Variants in FGF12 observed in about 807,000 individuals in gnomAD.
FGF12 encodes fibroblast growth factor 12.
In FGF12, 14 loss-of-function variants were observed where a neutral mutation model predicts 23.6. The observed-to-expected ratio is 0.59, with a 90% CI of 0.39 to 0.93. The LOEUF (loss-of-function observed/expected upper bound fraction) is 0.93, where lower values mean the gene tolerates loss of function less well. Among genes scored for constraint, FGF12 ranks in the 40% least tolerant of loss-of-function variants. The probability of loss-of-function intolerance (pLI) is 0.00; values close to 1 mark genes in which losing one functional copy is unlikely to be tolerated. For missense variants in FGF12, 175 were observed against 217.8 expected, an observed-to-expected ratio of 0.80 and a Z score of 1.24; for synonymous variants, 62 against 77.3, an observed-to-expected ratio of 0.80 and a Z score of 1.04.
chr3:192,505,877 C>G (rs1460416328), intron 2 of FGF12, among the ~76,000 whole-genome samples: 1 of 152,124 alleles, frequency 6.6e-6, no homozygotes, highest in Admixed American at 6.5e-5. Flanking sequence ...ACCAGACACA[C>G]GAACTTCGAA....
At chr3:192,224,715 G>A (rs1033184820) in intron 4 of FGF12, among the ~76,000 whole-genome samples, 1 of 151,916 alleles carries the variant, frequency 6.6e-6, no homozygotes, top group Admixed American at 6.6e-5. Flanking sequence ...AAATTAGTTA[G>A]AATAAAAGGA....
At chr3:192,521,642 C>G (rs974185591) in intron 2 of FGF12, among the ~76,000 whole-genome samples, 1 of 152,072 alleles carries the variant, frequency 6.6e-6, no homozygotes, top group Non-Finnish European at 1.5e-5. Context: ...ATAAATTATA[C>G]ACATTTCTTG....
chr3:192,696,220 G>C (rs34988095), intron 2 of FGF12, among the ~76,000 whole-genome samples: 4,700 of 151,064 alleles, frequency 0.031, 83 homozygotes, highest in Middle Eastern at 0.079. Context: ...GTACCCACCA[G>C]TATGTTCCAG....
In FGF12 at chr3:192,415,556, T is replaced by C. The variant is rs184463933; in HGVS notation, c.14-55018A>G. Among the ~76,000 whole-genome samples, 3 of 152,150 alleles carry C rather than the reference T, an allele frequency of 2.0e-5. No individual in the cohort carries two copies. The East Asian group carries it at 5.8e-4, about 29-fold the overall frequency. On this transcript the variant is annotated intron_variant, in intron 2 of 5. Coordinates refer to ENST00000445105, the MANE Select transcript of FGF12 (RefSeq NM_004113.6). ...AAGCTCAGGTAACTCAAGGGTAGCC[T>C]CCACATTTCCAAAGTTGATTGTTTT... is the stretch of plus-strand genomic sequence containing the variant.
At chr3:192,692,485 G>T (rs1441075009) in intron 2 of FGF12, among the ~76,000 whole-genome samples, 1 of 152,132 alleles carries the variant, frequency 6.6e-6, no homozygotes, top group East Asian at 1.9e-4. Flanking sequence ...CAGGCAGATC[G>T]CTAGAGCTCA....
At chr3:192,670,401 C>T (rs1009168192) in intron 2 of FGF12, among the ~76,000 whole-genome samples, 1 of 152,046 alleles carries the variant, frequency 6.6e-6, no homozygotes, top group African/African-American at 2.4e-5. Flanking sequence ...AATAAAAGCA[C>T]ATTAAAATCT....
chr3:192,629,071 GAATATAAGATAAA>G (rs1475288280), intron 2 of FGF12, among the ~76,000 whole-genome samples: 3 of 152,128 alleles, frequency 2.0e-5, no homozygotes, highest in Non-Finnish European at 4.4e-5. Flanking sequence ...AACTTTATAT[GAATATAAGATAAA>G]ACAGACTATC....
At chr3:192,564,159 G>A (rs529951339) in intron 2 of FGF12, among the ~76,000 whole-genome samples, 2 of 152,308 alleles carry the variant, frequency 1.3e-5, no homozygotes, top group South Asian at 4.1e-4. Flanking sequence ...CGCCTCTTGG[G>A]TTCAAGTGAT....
intron 2 of FGF12, among the ~76,000 whole-genome samples, chr3:192,642,265 G>T (rs1715833977): frequency 6.6e-6 from 1 of 152,104 alleles, no homozygotes; most frequent in Non-Finnish European, 1.5e-5. Context: ...AATTACTATT[G>T]CTGCATTACA....
rs576976650 is a variant in FGF12, at chr3:192,514,774, G to C, written c.14-154236C>G. The C allele has an allele frequency of 1.0e-6, 1 of 985,268 alleles. No homozygotes were observed. The highest frequency in any genetic ancestry group is 6.1e-5 in the Admixed American group (1 of 16,272). 61.0% of individuals were successfully genotyped at this position (985,268 alleles called of 1,614,324 possible). On this transcript the variant is annotated intron_variant, in intron 2 of 5. Coordinates refer to ENST00000445105, the MANE Select transcript of FGF12 (RefSeq NM_004113.6). The surrounding 1 kb of genome is among the most constrained non-coding windows in gnomAD (Gnocchi z 4.9). ...AATCTTCATGGAGAAGCGCGTGTGT[G>C]GGGTTGGTCAACTCCCCGCCCACCT...
intron 5 of FGF12, among the ~76,000 whole-genome samples, chr3:192,167,764 TATATAAA>T (rs1344998420): frequency 0.012 from 402 of 32,358 alleles, 29 homozygotes; most frequent in Non-Finnish European, 0.02. Context: ...TATATATATA[TATATAAA>T]ATTTTTTTTT....
Position 192,253,050 on chromosome 3 carries a change from G to A in FGF12, c.228+82311C>T, listed in dbSNP as rs138643277. 4.9e-3 allele frequency among the ~76,000 whole-genome samples: 745 copies of A among 152,184 alleles called. 29 individuals are homozygous for A. The highest frequency in any genetic ancestry group is 0.045 in the Admixed American group (692 of 15,278). On this transcript the variant is annotated intron_variant, in intron 4 of 5. Coordinates refer to ENST00000445105, the MANE Select transcript of FGF12 (RefSeq NM_004113.6). The stretch of plus-strand genomic sequence containing the variant: ...ATCAATGGATCCAGAGGTTATTTCT[G>A]ACCAATGGCATATAAAATGTATCAA...
chr3:192,193,503 C>G (rs946831819), intron 4 of FGF12, among the ~76,000 whole-genome samples: 8 of 152,180 alleles, frequency 5.3e-5, no homozygotes, highest in African/African-American at 2.4e-5. Flanking sequence ...AATCAGCTTC[C>G]TTTATCAGCA....
intron 2 of FGF12, among the ~76,000 whole-genome samples, chr3:192,499,177 T>A (rs1463676748): frequency 6.6e-6 from 1 of 152,150 alleles, no homozygotes; most frequent in Non-Finnish European, 1.5e-5. Context: ...CGTACACTAT[T>A]TCATTTAAAC....
Position 192,409,076 on chromosome 3 carries a change from G to GA in FGF12, c.14-48539_14-48538insT. The GA allele has an allele frequency of 1.2e-6, 1 of 815,236 alleles. No individual in the cohort carries two copies. The highest frequency in any genetic ancestry group is 1.5e-6 in the Non-Finnish European group (1 of 675,046). 50.5% of individuals were successfully genotyped at this position (815,236 alleles called of 1,614,324 possible). On this transcript the variant is annotated intron_variant, in intron 2 of 5. Transcript: ENST00000445105. This position sits in a 1 kb window ranked among gnomAD's most constrained non-coding sequence, Gnocchi z 4.8. ...CAAAGAGAGCGGGAGGCGAGGGAGGGGGGAGGGCGCGAGGGAGGGAGGGAG... is the reference window on the plus strand; with the variant it reads ...CAAAGAGAGCGGGAGGCGAGGGAGGGAGGGAGGGCGCGAGGGAGGGAGGGAG...
chr3:192,343,718 C>T (rs944175445), intron 3 of FGF12, among the ~76,000 whole-genome samples: 2 of 152,086 alleles, frequency 1.3e-5, no homozygotes, highest in Non-Finnish European at 1.5e-5. Flanking sequence ...ACCCTAATTC[C>T]ACAGCATTCC....
intron 4 of FGF12, among the ~76,000 whole-genome samples, chr3:192,328,933 C>T (rs1716967440): frequency 6.6e-6 from 1 of 152,094 alleles, no homozygotes; most frequent in Non-Finnish European, 1.5e-5. Flanking sequence ...GAGGACAAAC[C>T]AGCATTTGTG....
intron 2 of FGF12, among the ~76,000 whole-genome samples, chr3:192,639,094 C>G (rs1715692925): frequency 6.6e-6 from 1 of 152,156 alleles, no homozygotes. Flanking sequence ...GAACTCATAC[C>G]ATTCAATAGT....
intron 4 of FGF12, among the ~76,000 whole-genome samples, chr3:192,293,157 TAAAGAA>T (rs879262423): frequency 1.0e-3 from 159 of 152,210 alleles, no homozygotes; most frequent in Non-Finnish European, 1.9e-3. Context: ...AAAGAGATAT[TAAAGAA>T]GGAAAGAGAG....
Sources: allele counts gnomAD v4.1 joint callset (sites outside exome capture counted in the v4.1 genomes callset), GRCh38; gene constraint gnomAD v4.1.1; non-coding constraint Gnocchi (gnomAD v3.1); transcripts MANE v1.5; gene names NCBI Gene and HGNC (gene_info 2026-07-23, HGNC 2026-07-21).